KCNH6: variants seen among roughly 807,000 people sequenced by gnomAD.
The protein encoded by KCNH6 is potassium voltage-gated channel subfamily H member 6, also known as voltage-gated inwardly rectifying potassium channel KCNH6.
Under a neutral mutation model 83.4 loss-of-function variants are expected in KCNH6, and 81 were observed. The observed-to-expected ratio is 0.97, with a 90% CI of 0.81 to 1.17. KCNH6 has a LOEUF of 1.17. KCNH6 is among the 50% of genes most tolerant of loss of function. The probability of loss-of-function intolerance (pLI) is 0.00; values close to 1 mark genes in which losing one functional copy is unlikely to be tolerated. For missense variants in KCNH6, 1,203 were observed against 1,290.5 expected, an observed-to-expected ratio of 0.93 and a Z score of 1.04; for synonymous variants, 503 against 545.6, an observed-to-expected ratio of 0.92 and a Z score of 1.09.
In KCNH6 at chr17:63,536,091, G is replaced by A. The variant is rs371271490; in HGVS notation, c.1501+23G>A. The A allele has an allele frequency of 8.1e-6, 13 of 1,606,540 alleles. No individual in the cohort carries two copies. In the African/African-American group the frequency reaches 1.2e-4, roughly 15 times the overall value. ...GCTGTGAGTGAGACCTCATGCCACG[G>A]CCTAACTTCATGCTCTGGTCTTACC... On this transcript the variant is annotated intron_variant, in intron 6 of 12. Transcript: ENST00000314672.
chr17:63,546,426 G>A lies in KCNH6; in HGVS notation c.*524G>A, dbSNP rs570616150. 6.4e-6 allele frequency: 1 copy of A among 155,190 alleles called. No homozygotes were observed. Among genetic ancestry groups the A allele is most frequent in the Admixed American group, 6.3e-5 (1 of 15,938 alleles). 9.6% of individuals were successfully genotyped at this position (155,190 alleles called of 1,614,324 possible). On this transcript the variant is annotated 3_prime_UTR_variant, in exon 13 of 13. Transcript: ENST00000314672. ...CTGGTGCAGGGTGGGAGAGTCTCAG[G>A]TGTGGAGGCAGCTTACAGGATTGAG...
rs2033121380 is a variant in KCNH6, at chr17:63,545,826, T to C, written c.2801T>C (p.Leu934Pro). The change falls in exon 13 of 13, where the codon CTT becomes CCT. Residue 934 changes from leucine (L) to proline (P), a missense_variant. Leu to Pro is a moderately conservative substitution (Grantham distance 98). Coordinates refer to ENST00000314672, the MANE Select transcript of KCNH6 (RefSeq NM_001278919.2). ...GPCFSSLPEHLGSVPKQLDFQ... is the reference protein window; with the variant it reads ...GPCFSSLPEHPGSVPKQLDFQ... Reference sequence around the variant, plus strand: ...TGCTTCTCCTCCCTCCCTGAACACCTTGGCTCTGTTCCCAAGCAGCTGGAC... The same window carrying C: ...TGCTTCTCCTCCCTCCCTGAACACCCTGGCTCTGTTCCCAAGCAGCTGGAC... 1.2e-6 allele frequency: 2 copies of C among 1,613,970 alleles called. No individual in the cohort carries two copies. The highest frequency in any genetic ancestry group is 1.7e-5 in the Admixed American group (1 of 59,986).
At position 63,524,282 on chromosome 17, in the gene KCNH6, A is replaced by T. The variant is rs143633824; in HGVS notation, c.220A>T (p.Thr74Ser). The T allele has an allele frequency of 4.3e-6, 7 of 1,613,960 alleles. No individual in the cohort carries two copies. The highest frequency in any genetic ancestry group is 5.1e-6 in the Non-Finnish European group (6 of 1,180,018). The change falls in exon 2 of 13, where the codon ACA (threonine) becomes TCA (serine). Residue 74 changes from threonine (T) to serine (S), a missense_variant. By Grantham distance (58) the Thr-to-Ser change is moderately conservative. Coordinates refer to ENST00000314672, the MANE Select transcript of KCNH6 (RefSeq NM_001278919.2). ...CTGCGACTTCCTCACAGGCCCCAAC[A>T]CACCAAGCAGCGCCGTGTCCCGCCT... The part of the protein sequence containing the change: ...CTCDFLTGPN[T>S]PSSAVSRLAQ...
chr17:63,524,108 TG>T, intron 1 of KCNH6, 30 bp from the exon 2 acceptor site: 1 of 1,507,176 alleles, frequency 6.6e-7, no homozygotes, highest in Non-Finnish European at 9.2e-7. Flanking sequence ...CTGGCTCCCA[TG>T]GACTTTTTGC....
intron 2 of KCNH6, among the ~76,000 whole-genome samples, chr17:63,525,241 G>A (rs1251473552): frequency 6.6e-6 from 1 of 152,222 alleles, no homozygotes; most frequent in African/African-American, 2.4e-5. Context: ...GGAACCACTG[G>A]CTTAGGTAAA....
At chr17:63,525,065 T>C (rs1046448123) in intron 2 of KCNH6, among the ~76,000 whole-genome samples, 5 of 152,144 alleles carry the variant, frequency 3.3e-5, no homozygotes, top group African/African-American at 9.7e-5. Flanking sequence ...CTGGGAAATC[T>C]CTTGAATCAA....
rs1488612525 is a variant in KCNH6 at position 63,535,359 on chromosome 17, G to C, written c.1102-310G>C. 6.6e-6 allele frequency among the ~76,000 whole-genome samples: 1 copy of C among 152,068 alleles called. No individual in the cohort carries two copies. Among genetic ancestry groups the C allele is most frequent in the Non-Finnish European group, 1.5e-5 (1 of 68,022 alleles). ...TTTCCCTCTCTCTCCTGTCTGTCTG[G>C]AGCCCTAGCCTCCTCTCTCCAGGCT... On this transcript the variant is annotated intron_variant, in intron 5 of 12. Coordinates refer to ENST00000314672, the MANE Select transcript of KCNH6 (RefSeq NM_001278919.2). The surrounding 1 kb of genome is among the most constrained non-coding windows in gnomAD (Gnocchi z 4.9).
downstream of KCNH6, among the ~76,000 whole-genome samples, chr17:63,547,221 G>T (rs1001198788): frequency 6.6e-6 from 1 of 151,872 alleles, no homozygotes; most frequent in Non-Finnish European, 1.5e-5. Context: ...TTATACCTCA[G>T]TTAAAAAGAA....
rs1162043114 is a variant in KCNH6 at position 63,543,574 on chromosome 17, A to G, written c.2149-2A>G. On this transcript the variant is annotated splice_acceptor_variant, in intron 9 of 12. Transcript: ENST00000314672. LOFTEE classifies it high-confidence loss of function. ...TTATTTCACCCTCTTGCTTCCCATA[A>G]GGCAGCCGGGGGTCTCCACTCATCC... 1.9e-6 allele frequency: 3 copies of G among 1,607,818 alleles called. No homozygotes were observed. Among genetic ancestry groups the G allele is most frequent in the Admixed American group, 3.3e-5 (2 of 59,964 alleles).
chr17:63,544,198 G>A lies in KCNH6; in HGVS notation c.2234-51G>A, dbSNP rs766032499. 6.2e-6 allele frequency: 10 copies of A among 1,600,980 alleles called. No individual in the cohort carries two copies. The African/African-American group carries it at 9.4e-5, about 15-fold the overall frequency. ...GGACAGGCTCTATTGAGAAGGGTCA[G>A]GCCTGTGGAACCAGCTAGGCCCAGC... is the stretch of plus-strand genomic sequence containing the variant. On this transcript the variant is annotated intron_variant, in intron 10 of 12. Coordinates refer to ENST00000314672, the MANE Select transcript of KCNH6 (RefSeq NM_001278919.2).
At chr17:63,526,566 C>T (rs552672409) in intron 2 of KCNH6, among the ~76,000 whole-genome samples, 2 of 152,024 alleles carry the variant, frequency 1.3e-5, no homozygotes, top group South Asian at 2.1e-4. Context: ...CTATGTTGCC[C>T]AGGCTGGCAC....
downstream of KCNH6, among the ~76,000 whole-genome samples, chr17:63,548,579 G>C (rs1028827483): frequency 4.6e-5 from 7 of 152,142 alleles, no homozygotes; most frequent in South Asian, 2.1e-4. Flanking sequence ...TCTATTAGTA[G>C]TACAGTTGTT....
chr17:63,546,811 A>T (rs887401269), downstream of KCNH6: 4 of 152,204 alleles, frequency 2.6e-5, no homozygotes, highest in African/African-American at 7.2e-5. Context: ...GGAGCTGCAG[A>T]CTTACCCTCC....
At position 63,530,390 on chromosome 17, in the gene KCNH6, T is replaced by A; in HGVS notation, c.523T>A (p.Tyr175Asn). 6.2e-7 allele frequency: 1 copy of A among 1,614,206 alleles called. No homozygotes were observed. Among genetic ancestry groups the A allele is most frequent in the Non-Finnish European group, 8.5e-7 (1 of 1,180,036 alleles). ...AGGGCCAGGCACAGGCAGGGGCAAG[T>A]ACAGGACCATCAGCCAGATCCCACA... ...GPGPGTGRGK[Y>N]RTISQIPQFT... The change falls in exon 4 of 13, where the codon TAC becomes AAC. Residue 175 changes from tyrosine (Y) to asparagine (N), a missense_variant. Physicochemically the swap from Tyr to Asn is moderately radical, Grantham distance 143. Transcript: ENST00000314672.
At position 63,535,691 on chromosome 17, in the gene KCNH6, T is replaced by C. The variant is rs756319316; in HGVS notation, c.1124T>C (p.Leu375Ser). The C allele has an allele frequency of 1.6e-5, 25 of 1,610,278 alleles. No homozygotes were observed. The highest frequency in any genetic ancestry group is 2.0e-5 in the Non-Finnish European group (24 of 1,177,768). Residue 375 changes from leucine to serine, a missense_variant, in exon 6 of 13, where the codon TTG becomes TCG. Leu to Ser is a moderately radical substitution (Grantham distance 145). Coordinates refer to ENST00000314672, the MANE Select transcript of KCNH6 (RefSeq NM_001278919.2). The surrounding 1 kb of genome is among the most constrained non-coding windows in gnomAD (Gnocchi z 4.9). ...CAGACCACAACCCTGATTGGGCTAT[T>C]GAAGACAGCGCGGCTGCTGCGGCTG... ...SDETTTLIGL[L>S]KTARLLRLVR...
chr17:63,529,688 G>A (rs1460043563), intron 2 of KCNH6, among the ~76,000 whole-genome samples: 1 of 152,142 alleles, frequency 6.6e-6, no homozygotes, highest in African/African-American at 2.4e-5. Context: ...TTGCAGGATG[G>A]GAATATGGGA....
Position 63,538,635 on chromosome 17 carries a change from C to A in KCNH6, c.1927C>A (p.Arg643Ser), listed in dbSNP as rs775172398. ...FISRGSIEIL[R>S]DDVVVAILGK... The stretch of plus-strand genomic sequence containing the variant: ...CTCCCGAGGCTCCATCGAGATCCTG[C>A]GCGACGACGTGGTCGTGGCCATCCT... Residue 643 changes from arginine (R) to serine (S), a missense_variant, in exon 8 of 13, where the codon CGC becomes AGC. Arg to Ser is a moderately radical substitution (Grantham distance 110). Transcript: ENST00000314672. This position sits in a 1 kb window ranked among gnomAD's most constrained non-coding sequence, Gnocchi z 4.0. 2 of 1,599,896 alleles carry A rather than the reference C, an allele frequency of 1.3e-6. No homozygotes were observed. Among genetic ancestry groups the A allele is most frequent in the Middle Eastern group, 1.7e-4 (1 of 6,002 alleles).
In KCNH6 at chr17:63,530,470, C is replaced by G. The variant is rs766967717; in HGVS notation, c.603C>G (p.Thr201=). 3 of 1,614,114 alleles carry G rather than the reference C, an allele frequency of 1.9e-6. No individual in the cohort carries two copies. The East Asian group carries it at 6.7e-5, about 36-fold the overall frequency. Residue 201 remains threonine (T), a synonymous_variant, in exon 4 of 13, where the codon ACC becomes ACG. Transcript: ENST00000314672. The part of the protein sequence containing the change: ...FNLEKHRSSS[T]TEIEIIAPHK... ...TGGAGAAGCACCGCTCCAGCTCCAC[C>G]ACGGAGATTGAGATCATCGCGCCCC...
chr17:63,539,091 A>G (rs1312327414), intron 8 of KCNH6, among the ~76,000 whole-genome samples: 1 of 152,166 alleles, frequency 6.6e-6, no homozygotes, highest in Non-Finnish European at 1.5e-5. Context: ...ACTTTGGAGG[A>G]AGGACATGAG....
Sources: gnomAD v4.1 joint callset for allele counts (sites outside exome capture counted in the v4.1 genomes callset) on GRCh38, gnomAD v4.1.1 for gene constraint, Gnocchi (gnomAD v3.1) non-coding constraint, MANE v1.5 for transcripts, NCBI Gene and HGNC (gene_info 2026-07-23, HGNC 2026-07-21) for gene names.